The following SLC25A53 variants were observed in gnomAD, a reference collection of about 807,000 sequenced individuals.
SLC25A53 encodes the protein solute carrier family 25 member 53, also known as mitochondrial carrier triple repeat protein 6.
In SLC25A53, 5 loss-of-function variants were observed where a neutral mutation model predicts 15.0. The observed-to-expected ratio is 0.33, with a 90% CI of 0.17 to 0.70. The LOEUF (loss-of-function observed/expected upper bound fraction) is 0.70, where lower values mean the gene tolerates loss of function less well. Ranked by LOEUF, SLC25A53 falls within the 30% of genes least tolerant of loss-of-function variation. The pLI, the probability that SLC25A53 is intolerant of heterozygous loss-of-function variation, is 0.67. For synonymous variants in SLC25A53, 95 were observed against 100.0 expected, an observed-to-expected ratio of 0.95 and a Z score of 0.30; for missense variants, 216 against 241.6, an observed-to-expected ratio of 0.89 and a Z score of 0.70.
chrX:104,112,397 CGCCCGCCG>C, intron 1 of SLC25A53: 1 of 114,793 alleles, frequency 8.7e-6, no homozygotes, highest in South Asian at 3.2e-4. Context: ...CCGCAGCCCC[CGCCCGCCG>C]GCCCGCCGGC....
intron 1 of SLC25A53, among the ~76,000 whole-genome samples, chrX:104,120,964 T>A (rs1436274362): frequency 8.9e-6 from 1 of 112,750 alleles, no homozygotes; most frequent in Non-Finnish European, 1.9e-5. Flanking sequence ...TAAATTACAT[T>A]ATTTGGGTTT....
chrX:104,155,772 G>A (rs1255785782), intron 1 of SLC25A53, among the ~76,000 whole-genome samples: 1 of 111,270 alleles, frequency 9.0e-6, no homozygotes, highest in Non-Finnish European at 1.9e-5. Context: ...GACCGGGCGC[G>A]GTGGCTCATG....
intron 1 of SLC25A53, among the ~76,000 whole-genome samples, chrX:104,149,491 G>C (rs1376776517): frequency 2.7e-5 from 3 of 112,333 alleles, no homozygotes; most frequent in African/African-American, 9.7e-5. Flanking sequence ...TAGGGCTGTT[G>C]ATCAGAGGAC....
intron 1 of SLC25A53, chrX:104,113,865 G>A: frequency 2.5e-6 from 1 of 398,452 alleles, no homozygotes; most frequent in Non-Finnish European, 4.2e-6. Context: ...TCTCCTGCAG[G>A]GTATTGTTAA....
intron 1 of SLC25A53, among the ~76,000 whole-genome samples, chrX:104,128,341 TA>T (rs1249564297): frequency 1.8e-5 from 2 of 112,240 alleles, no homozygotes; most frequent in Non-Finnish European, 3.8e-5. Context: ...TGAAAAATTT[TA>T]AAATTTGTAT....
intron 1 of SLC25A53, among the ~76,000 whole-genome samples, chrX:104,141,137 G>C (rs1219843497): frequency 1.8e-5 from 2 of 111,683 alleles, no homozygotes; most frequent in Non-Finnish European, 3.8e-5. Context: ...AAAGCTTGCA[G>C]CGATCTAAGG....
intron 1 of SLC25A53, chrX:104,114,182 C>A (rs1556360248): frequency 8.3e-7 from 1 of 1,209,647 alleles, no homozygotes. Flanking sequence ...TGGGCCCATT[C>A]CATGTTGAGG....
At chrX:104,114,053 AG>A in intron 1 of SLC25A53, 1 of 1,206,163 alleles carries the variant, frequency 8.3e-7, no homozygotes, top group East Asian at 3.0e-5. Flanking sequence ...CCTGCAGATA[AG>A]GCTTTTCCAA....
chrX:104,115,568 C>A (rs1641135997), intron 1 of SLC25A53: 2 of 303,937 alleles, frequency 6.6e-6, no homozygotes, highest in Non-Finnish European at 1.2e-5. Flanking sequence ...TGACTTTATA[C>A]TTTTTATGAA....
At chrX:104,135,436 C>A (rs782596107) in intron 1 of SLC25A53, among the ~76,000 whole-genome samples, 1 of 111,050 alleles carries the variant, frequency 9.0e-6, no homozygotes, top group Non-Finnish European at 1.9e-5. Context: ...AAACCCACTT[C>A]CCCTCTTTAC....
intron 1 of SLC25A53, among the ~76,000 whole-genome samples, chrX:104,136,365 A>G (rs1177637115): frequency 1.8e-5 from 2 of 111,465 alleles, no homozygotes; most frequent in Non-Finnish European, 3.8e-5. Flanking sequence ...AAGAACTGGA[A>G]ACAGCATCAT....
chrX:104,131,834 T>C (rs1456910876), intron 1 of SLC25A53, among the ~76,000 whole-genome samples: 1 of 111,627 alleles, frequency 9.0e-6, no homozygotes, highest in African/African-American at 3.3e-5. Flanking sequence ...TGATCCAGAA[T>C]CTCATGTACT....
intron 1 of SLC25A53, among the ~76,000 whole-genome samples, chrX:104,143,085 C>G (rs2075455559): frequency 9.0e-6 from 1 of 111,200 alleles, no homozygotes; most frequent in South Asian, 3.8e-4. Flanking sequence ...CACACCAAAA[C>G]CCCATCGGTA....
intron 1 of SLC25A53, among the ~76,000 whole-genome samples, chrX:104,123,990 CTT>C (rs1312627232): frequency 9.0e-6 from 1 of 111,609 alleles, no homozygotes; most frequent in African/African-American, 3.3e-5. Context: ...AGTTCCAAGT[CTT>C]TGCTATTGTG....
chrX:104,128,753 T>C (rs1191275920), intron 1 of SLC25A53, among the ~76,000 whole-genome samples: 1 of 109,205 alleles, frequency 9.2e-6, no homozygotes, highest in South Asian at 3.7e-4. Context: ...CACACACACA[T>C]AAACAGACAC....
intron 1 of SLC25A53, among the ~76,000 whole-genome samples, chrX:104,128,053 G>T (rs1339784690): frequency 1.8e-5 from 2 of 111,762 alleles, no homozygotes; most frequent in African/African-American, 6.5e-5. Flanking sequence ...TGCTAGACTT[G>T]TTTTTCCTGT....
At chrX:104,127,687 G>A (rs929649247) in intron 1 of SLC25A53, among the ~76,000 whole-genome samples, 4 of 112,102 alleles carry the variant, frequency 3.6e-5, no homozygotes, top group Admixed American at 2.8e-4. Flanking sequence ...CGTGGGGCTG[G>A]GTGTGGTGGC....
intron 1 of SLC25A53, among the ~76,000 whole-genome samples, chrX:104,126,077 C>T (rs189361925): frequency 3.6e-5 from 4 of 110,041 alleles, no homozygotes; most frequent in East Asian, 5.8e-4. Flanking sequence ...GAGGTTGAGG[C>T]GAGAGGATCA....
At position 104,105,213 on chromosome X, in the gene SLC25A53, C is replaced by G; in HGVS notation, c.45G>C (p.Arg15Ser). Residue 15 changes from arginine to serine, a missense_variant, in exon 2 of 2, where the codon AGG becomes AGC. Transcript: ENST00000594199. ...TCTTTCCTGGAGCCTCTGCTCGCGTCCTGTGCTGAAGCTCCTTCCCGGGAG... is the reference window on the plus strand; with the variant it reads ...TCTTTCCTGGAGCCTCTGCTCGCGTGCTGTGCTGAAGCTCCTTCCCGGGAG... ...NHSPGKELQH[R>S]TRAEAPGKKS... 1 of 1,211,546 alleles carries G rather than the reference C, an allele frequency of 8.3e-7. No individual in the cohort carries two copies. Among genetic ancestry groups the G allele is most frequent in the Non-Finnish European group, 1.1e-6 (1 of 895,246 alleles).
Sources: allele counts gnomAD v4.1 joint callset (sites outside exome capture counted in the v4.1 genomes callset), GRCh38; gene constraint gnomAD v4.1.1; transcripts MANE v1.5; gene names NCBI Gene and HGNC (gene_info 2026-07-23, HGNC 2026-07-21).